DRD2: variants seen among roughly 807,000 people sequenced by gnomAD.
DRD2 encodes D(2) dopamine receptor.
In DRD2, 8 loss-of-function variants were observed where a neutral mutation model predicts 38.0. The observed-to-expected ratio is 0.21, with a 90% confidence interval of 0.12 to 0.38. The LOEUF (loss-of-function observed/expected upper bound fraction) is 0.38, where lower values mean the gene tolerates loss of function less well. Among genes scored for constraint, DRD2 ranks in the 10% least tolerant of loss-of-function variants. The pLI is 1.00. For synonymous variants in DRD2, 230 were observed against 238.6 expected (o/e 0.96, Z 0.33); for missense variants, 403 against 607.7 (o/e 0.66, Z 3.54).
chr11:113,428,751 G>C (rs576597331), intron 1 of DRD2, among the ~76,000 whole-genome samples: 1 of 152,238 alleles, frequency 6.6e-6, no homozygotes, highest in Non-Finnish European at 1.5e-5. Flanking sequence ...AGCCTCCTGA[G>C]TAGCTGGAAA....
chr11:113,464,236 T>C (rs1951347976), intron 1 of DRD2, among the ~76,000 whole-genome samples: 1 of 151,884 alleles, frequency 6.6e-6, no homozygotes, highest in Non-Finnish European at 1.5e-5. Context: ...ACACTGGAGG[T>C]GTGTACTGCA....
chr11:113,418,525 A>G (rs1278403671), intron 2 of DRD2, among the ~76,000 whole-genome samples: 1 of 152,126 alleles, frequency 6.6e-6, no homozygotes, highest in African/African-American at 2.4e-5. Flanking sequence ...ATCTTCTCTG[A>G]TCCTGATATT....
At chr11:113,451,142 G>A (rs752454601) in intron 1 of DRD2, among the ~76,000 whole-genome samples, 26 of 152,160 alleles carry the variant, frequency 1.7e-4, no homozygotes, top group Non-Finnish European at 3.5e-4. Flanking sequence ...TTGCAGAATC[G>A]CCACTGCACA....
intron 1 of DRD2, among the ~76,000 whole-genome samples, chr11:113,446,600 C>T (rs1215868143): frequency 6.6e-6 from 1 of 152,162 alleles, no homozygotes; most frequent in African/African-American, 2.4e-5. Context: ...TCTGTTTCCA[C>T]AGTGGCAATG....
At chr11:113,471,887 C>T (rs1951430451) in intron 1 of DRD2, among the ~76,000 whole-genome samples, 1 of 152,188 alleles carries the variant, frequency 6.6e-6, no homozygotes. Flanking sequence ...GGCTGCTGTT[C>T]TAAGCTATTT....
intron 2 of DRD2, among the ~76,000 whole-genome samples, chr11:113,420,745 T>C (rs1223373132): frequency 6.6e-6 from 1 of 152,098 alleles, no homozygotes; most frequent in Non-Finnish European, 1.5e-5. Flanking sequence ...GCATGAAATG[T>C]GAAAAGGAAA....
At chr11:113,437,599 A>G (rs1000827200) in intron 1 of DRD2, among the ~76,000 whole-genome samples, 12 of 152,188 alleles carry the variant, frequency 7.9e-5, no homozygotes, top group African/African-American at 2.7e-4. Flanking sequence ...TGTCTCCAGG[A>G]CATGGGGCTA....
intron 1 of DRD2, among the ~76,000 whole-genome samples, chr11:113,425,134 G>C (rs557083034): frequency 1.3e-5 from 2 of 152,316 alleles, no homozygotes; most frequent in African/African-American, 4.8e-5. Context: ...ACATGGTTCT[G>C]TAGCTCACAT....
chr11:113,453,571 G>A (rs12805897), intron 1 of DRD2, among the ~76,000 whole-genome samples: 8,726 of 152,228 alleles, frequency 0.057, 318 homozygotes, highest in South Asian at 0.1. Flanking sequence ...AAAATAATTC[G>A]ACAACTATTT....
intron 1 of DRD2, among the ~76,000 whole-genome samples, chr11:113,473,665 C>T (rs1251836293): frequency 1.3e-5 from 2 of 152,154 alleles, no homozygotes; most frequent in African/African-American, 2.4e-5. Flanking sequence ...AACAAATAAT[C>T]CAGGAATTTT....
chr11:113,416,345 C>T (rs963890899), intron 4 of DRD2, among the ~76,000 whole-genome samples: 1 of 152,210 alleles, frequency 6.6e-6, no homozygotes, highest in African/African-American at 2.4e-5. Flanking sequence ...ACACTCCTGA[C>T]TCTGCCTCCC....
rs201489522 is a variant in DRD2, at chr11:113,414,510, G to T, written c.724-49C>A. The T allele has an allele frequency of 3.7e-6, 6 of 1,606,822 alleles. No individual in the cohort carries two copies. The East Asian group carries it at 6.7e-5, about 18-fold the overall frequency. ...GTCACACAAAGTGGTGGGGATGGAG[G>T]GGGGACAGAAACCCAAAGTGCAGCA... On this transcript the variant is annotated intron_variant, in intron 5 of 7. Coordinates refer to ENST00000362072, the MANE Select transcript of DRD2 (RefSeq NM_000795.4).
intron 2 of DRD2, among the ~76,000 whole-genome samples, chr11:113,419,331 G>A (rs1294046500): frequency 5.9e-5 from 9 of 152,296 alleles, no homozygotes; most frequent in Non-Finnish European, 8.8e-5. Flanking sequence ...AGGAACACCC[G>A]AGTGGGCTGG....
At chr11:113,445,207 T>A (rs1455318168) in intron 1 of DRD2, among the ~76,000 whole-genome samples, 2 of 152,190 alleles carry the variant, frequency 1.3e-5, no homozygotes, top group African/African-American at 2.4e-5. Flanking sequence ...CCATGTGGGA[T>A]CCTGGATTCG....
At chr11:113,431,371 G>A (rs778996207) in intron 1 of DRD2, among the ~76,000 whole-genome samples, 3 of 152,296 alleles carry the variant, frequency 2.0e-5, no homozygotes, top group African/African-American at 2.4e-5. Flanking sequence ...TGCAGACAAG[G>A]TTCCATGGGT....
At chr11:113,440,161 G>A (rs1055479295) in intron 1 of DRD2, among the ~76,000 whole-genome samples, 1 of 152,138 alleles carries the variant, frequency 6.6e-6, no homozygotes, top group African/African-American at 2.4e-5. Flanking sequence ...GTGTATGCTC[G>A]CCTCGCCCAG....
chr11:113,447,239 C>G (rs1951159425), intron 1 of DRD2, among the ~76,000 whole-genome samples: 1 of 152,280 alleles, frequency 6.6e-6, no homozygotes, highest in African/African-American at 2.4e-5. Context: ...CCATGTCTGT[C>G]CCTGCTGCTG....
chr11:113,421,145 C>G (rs1950880514), intron 2 of DRD2, among the ~76,000 whole-genome samples: 1 of 152,188 alleles, frequency 6.6e-6, no homozygotes, highest in Non-Finnish European at 1.5e-5. Context: ...GGGTGGCTTT[C>G]TTGAGAATGC....
In DRD2 at chr11:113,410,252, T is replaced by C; in HGVS notation, c.*475A>G. The C allele has an allele frequency of 4.1e-6, 1 of 246,588 alleles. No individual in the cohort carries two copies. Among genetic ancestry groups the C allele is most frequent in the African/African-American group, 2.2e-5 (1 of 45,372 alleles). 15.3% of individuals were successfully genotyped at this position (246,588 alleles called of 1,614,324 possible). ...TGGGTCTCCCAGGACTGAAGTTGCC[T>C]GGCTCCTCGGCAAGAGAGCTTGCTT... On this transcript the variant is annotated 3_prime_UTR_variant, in exon 8 of 8. Transcript: ENST00000362072.
Sources: allele counts gnomAD v4.1 joint callset (sites outside exome capture counted in the v4.1 genomes callset), GRCh38; gene constraint gnomAD v4.1.1; transcripts MANE v1.5; gene names NCBI Gene and HGNC (gene_info 2026-07-23, HGNC 2026-07-21).